CNGA1: variants seen among roughly 807,000 people sequenced by gnomAD.
CNGA1 encodes cyclic nucleotide-gated channel alpha-1.
Under a neutral mutation model 69.7 loss-of-function variants are expected in CNGA1, and 53 were observed. The observed-to-expected ratio is 0.76, with a 90% CI of 0.61 to 0.96. The LOEUF (loss-of-function observed/expected upper bound fraction) is 0.96, where lower values mean the gene tolerates loss of function less well. Ranked by LOEUF, CNGA1 falls within the 40% of genes least tolerant of loss-of-function variation. CNGA1 has a pLI of 0.00. For missense variants in CNGA1, 739 were observed against 811.2 expected, an observed-to-expected ratio of 0.91 and a Z score of 1.08; for synonymous variants, 249 against 283.5, an observed-to-expected ratio of 0.88 and a Z score of 1.22.
At chr4:47,955,187 T>C (rs1459846345) in intron 3 of CNGA1, among the ~76,000 whole-genome samples, 1 of 138,320 alleles carries the variant, frequency 7.2e-6, no homozygotes, top group Non-Finnish European at 1.5e-5. Flanking sequence ...TTTTTTTTTT[T>C]TTTTTTTTTT....
intron 9 of CNGA1, among the ~76,000 whole-genome samples, chr4:47,941,490 CT>C: frequency 1.3e-5 from 2 of 152,298 alleles, no homozygotes; most frequent in Middle Eastern, 6.8e-3. Flanking sequence ...AATCCTTGAT[CT>C]TTTTCCACTA....
intron 3 of CNGA1, among the ~76,000 whole-genome samples, chr4:47,957,365 A>G (rs1740149450): frequency 6.6e-6 from 1 of 152,232 alleles, no homozygotes; most frequent in African/African-American, 2.4e-5. Context: ...CTGTAATCCA[A>G]GCACTTTGGG....
At chr4:47,971,637 A>G (rs780701229) in intron 3 of CNGA1, among the ~76,000 whole-genome samples, 4 of 152,122 alleles carry the variant, frequency 2.6e-5, no homozygotes, top group Non-Finnish European at 5.9e-5. Context: ...CACGCTTGCA[A>G]TCCCAGCAAA....
chr4:47,962,046 T>G (rs1281425085), intron 3 of CNGA1, among the ~76,000 whole-genome samples: 1 of 152,078 alleles, frequency 6.6e-6, no homozygotes, highest in East Asian at 1.9e-4. Context: ...GATTACAGAT[T>G]TTTAAAATAT....
At chr4:48,013,474 G>A (rs1344574713) in intron 1 of CNGA1, among the ~76,000 whole-genome samples, 2 of 152,194 alleles carry the variant, frequency 1.3e-5, no homozygotes, top group South Asian at 2.1e-4. Context: ...CTGGAAAGAC[G>A]GGACAACTCA....
Position 48,016,630 on chromosome 4 carries a change from G to A in CNGA1, c.-370C>T. On this transcript the variant is annotated 5_prime_UTR_variant, in exon 1 of 11. Transcript: ENST00000514170. Reference sequence around the variant, plus strand: ...ATCACAGGCCGCTCCCAGGCCTGCGGGGGCCCTGAGAATTCGCAACAAGCC... The same window carrying A: ...ATCACAGGCCGCTCCCAGGCCTGCGAGGGCCCTGAGAATTCGCAACAAGCC... The A allele has an allele frequency of 1.8e-6, 1 of 546,806 alleles. No homozygotes were observed. The highest frequency in any genetic ancestry group is 2.3e-5 in the South Asian group (1 of 42,916). The allele number at this position is 546,806 out of a possible 1,614,324, so 33.9% of individuals were successfully genotyped here.
At chr4:47,943,105 G>C (rs1443014399) in intron 8 of CNGA1, 76 bp downstream of exon 8, 2 of 1,027,346 alleles carry the variant, frequency 1.9e-6, no homozygotes, top group Non-Finnish European at 3.0e-6. Context: ...TTTCTACTTT[G>C]TATTATGGAA....
At position 47,936,266 on chromosome 4, in the gene CNGA1, G is replaced by A; in HGVS notation, c.*155C>T. The A allele has an allele frequency of 1.4e-6, 1 of 716,636 alleles. No individual in the cohort carries two copies. The allele number at this position is 716,636 out of a possible 1,614,324, so 44.4% of individuals were successfully genotyped here. A position where few individuals can be genotyped will look rare whatever the true frequency, so the allele number is the denominator to read the frequency against. ...TTTTTTAATCATAGTATCTCTCAGAGAGGGTGTGGGCCTTGTACCTTGCAC... is the reference window on the plus strand; with the variant it reads ...TTTTTTAATCATAGTATCTCTCAGAAAGGGTGTGGGCCTTGTACCTTGCAC... On this transcript the variant is annotated 3_prime_UTR_variant, in exon 11 of 11. Coordinates refer to ENST00000514170, the MANE Select transcript of CNGA1 (RefSeq NM_001379270.1).
intron 2 of CNGA1, among the ~76,000 whole-genome samples, chr4:47,984,708 T>C (rs546724161): frequency 5.4e-5 from 8 of 148,108 alleles, no homozygotes; most frequent in Non-Finnish European, 7.5e-5. Flanking sequence ...ATATATAATA[T>C]ATATAATTGT....
At chr4:47,993,502 C>T (rs1277880695) in intron 2 of CNGA1, among the ~76,000 whole-genome samples, 2 of 152,024 alleles carry the variant, frequency 1.3e-5, no homozygotes, top group African/African-American at 4.8e-5. Flanking sequence ...CTCGAATAAT[C>T]TTTTGTATTT....
chr4:48,010,800 G>A lies in CNGA1; in HGVS notation c.-129C>T, dbSNP rs224801. On this transcript the variant is annotated 5_prime_UTR_variant, in exon 2 of 11. Transcript: ENST00000514170. ...TCAGGAGCACAGCACACACCTTGCC[G>A]GATCCAGAGGGATGGAAGTCAGCAG... 21,493 of 153,420 alleles carry A rather than the reference G, an allele frequency of 0.14. 1,835 individuals carry two copies. Among genetic ancestry groups the A allele is most frequent in the Middle Eastern group, 0.22 (67 of 298 alleles). The allele number at this position is 153,420 out of a possible 1,614,324, so 9.5% of individuals were successfully genotyped here. A position where few individuals can be genotyped will look rare whatever the true frequency, so the allele number is the denominator to read the frequency against.
intron 2 of CNGA1, among the ~76,000 whole-genome samples, chr4:47,996,897 C>G (rs189060572): frequency 6.6e-6 from 1 of 151,862 alleles, no homozygotes; most frequent in African/African-American, 2.4e-5. Context: ...TGCATCCCTA[C>G]GAAAATTTAA....
chr4:47,981,011 A>AT (rs1411311519), intron 3 of CNGA1, among the ~76,000 whole-genome samples: 1 of 152,168 alleles, frequency 6.6e-6, no homozygotes, highest in Non-Finnish European at 1.5e-5. Flanking sequence ...TTAGGAGTGA[A>AT]TTCTTTAAGA....
chr4:47,953,705 T>A (rs1319187188), intron 3 of CNGA1, among the ~76,000 whole-genome samples: 2 of 152,230 alleles, frequency 1.3e-5, no homozygotes, highest in Non-Finnish European at 2.9e-5. Context: ...GGCTGCTGTC[T>A]GAGACTCTGC....
Position 47,937,913 on chromosome 4 carries a change from T to C in CNGA1, c.653-84A>G. ...TGTGAATAACTGTCAATTAACTTTGTTGAGGTCAACAGAAAAATTCATTTT... is the reference window on the plus strand; with the variant it reads ...TGTGAATAACTGTCAATTAACTTTGCTGAGGTCAACAGAAAAATTCATTTT... On this transcript the variant is annotated intron_variant, in intron 10 of 10. Transcript: ENST00000514170. 2.0e-6 allele frequency: 2 copies of C among 1,024,630 alleles called. 1 individual carries two copies. The highest frequency in any genetic ancestry group is 2.7e-5 in the South Asian group (2 of 73,632). 63.5% of individuals were successfully genotyped at this position (1,024,630 alleles called of 1,614,324 possible).
At chr4:47,984,693 C>CACACATAT (rs1491444355) in intron 2 of CNGA1, among the ~76,000 whole-genome samples, 1 of 132,792 alleles carries the variant, frequency 7.5e-6, no homozygotes, top group African/African-American at 2.6e-5. Flanking sequence ...CACACACACA[C>CACACATAT]ATATATATAT....
rs1327058441 is a variant in CNGA1 at position 47,937,611 on chromosome 4, G to T, written c.871C>A (p.Pro291Thr). ...AGGTTGGAAATCCTGAAGATGTTTG[G>T]ATAGTTTGTCCTTGTTTCTGTTCTC... ...FQRTETRTNY[P>T]NIFRISNLVM... The change falls in exon 11 of 11, where the codon CCA (proline) becomes ACA (threonine). Residue 291 changes from proline (P) to threonine (T), a missense_variant. By Grantham distance (38) the Pro-to-Thr change is conservative. Coordinates refer to ENST00000514170, the MANE Select transcript of CNGA1 (RefSeq NM_001379270.1). 6.2e-7 allele frequency: 1 copy of T among 1,614,154 alleles called. No homozygotes were observed. The highest frequency in any genetic ancestry group is 8.5e-7 in the Non-Finnish European group (1 of 1,180,012).
chr4:47,955,173 CTTTTTTTTTTT>C (rs377338639), intron 3 of CNGA1, among the ~76,000 whole-genome samples: 63 of 98,188 alleles, frequency 6.4e-4, no homozygotes, highest in Middle Eastern at 6.3e-3. Context: ...TTTTTCTTTT[CTTTTTTTTTTT>C]TTTTTTTTTT....
chr4:48,013,338 C>A, intron 1 of CNGA1, among the ~76,000 whole-genome samples: 1 of 152,148 alleles, frequency 6.6e-6, no homozygotes, highest in Middle Eastern at 3.2e-3. Flanking sequence ...TAACACAACC[C>A]CATGACACAG....
Sources: gnomAD v4.1 joint callset for allele counts (sites outside exome capture counted in the v4.1 genomes callset) on GRCh38, gnomAD v4.1.1 for gene constraint, MANE v1.5 for transcripts, NCBI Gene and HGNC (gene_info 2026-07-23, HGNC 2026-07-21) for gene names.